The following SAMHD1 variants were observed in gnomAD, a reference collection of about 807,000 sequenced individuals.
SAMHD1 encodes the protein SAM and HD domain containing deoxynucleoside triphosphate triphosphohydrolase 1.
Under a neutral mutation model 79.6 loss-of-function variants are expected in SAMHD1, and 54 were observed. That is an observed-to-expected ratio of 0.68 (90% CI 0.55 to 0.85). SAMHD1 has a LOEUF of 0.85. SAMHD1 is among the 40% of genes least tolerant of loss of function. The pLI, the probability that SAMHD1 is intolerant of heterozygous loss-of-function variation, is 0.00. For missense variants in SAMHD1, 663 were observed against 782.7 expected, an observed-to-expected ratio of 0.85 and a Z score of 1.82; for synonymous variants, 260 against 264.1, an observed-to-expected ratio of 0.98 and a Z score of 0.15.
chr20:36,927,314 C>A, intron 5 of SAMHD1, 62 bp from the exon 6 acceptor site: 12 of 765,692 alleles, frequency 1.6e-5, no homozygotes, highest in Non-Finnish European at 2.0e-5. Context: ...AAACTTTTTC[C>A]TTTTTTTTTT....
chr20:36,893,219 C>T (rs1406821429), intron 15 of SAMHD1, 153 bp from the exon 16 acceptor site: 9 of 918,608 alleles, frequency 9.8e-6, no homozygotes, highest in Non-Finnish European at 1.5e-5. Context: ...TTACATATGC[C>T]CTGTGCTTGG....
rs905658920 is a variant in SAMHD1 at position 36,892,800 on chromosome 20, G to A, written c.*132C>T. ...TATTTCTTTGATTAAAAGTTACTTAGCTTCAGCATGCGTGTACATTCAAAA... is the reference window on the plus strand; with the variant it reads ...TATTTCTTTGATTAAAAGTTACTTAACTTCAGCATGCGTGTACATTCAAAA... On this transcript the variant is annotated 3_prime_UTR_variant, in exon 16 of 16. Coordinates refer to ENST00000646673, the MANE Select transcript of SAMHD1 (RefSeq NM_015474.4). The A allele has an allele frequency of 1.7e-5, 19 of 1,148,044 alleles. No individual in the cohort carries two copies. The highest frequency in any genetic ancestry group is 2.4e-5 in the Non-Finnish European group (18 of 757,662). The allele number at this position is 1,148,044 out of a possible 1,614,324, so 71.1% of individuals were successfully genotyped here.
rs775995241 is a variant in SAMHD1 at position 36,891,636 on chromosome 20, G to A, written c.*1296C>T. 5 of 152,314 alleles carry A rather than the reference G, an allele frequency of 3.3e-5. No homozygotes were observed. The highest frequency in any genetic ancestry group is 4.8e-5 in the African/African-American group (2 of 41,472). The allele number at this position is 152,314 out of a possible 1,614,324, so 9.4% of individuals were successfully genotyped here. A position where few individuals can be genotyped will look rare whatever the true frequency, so the allele number is the denominator to read the frequency against. On this transcript the variant is annotated 3_prime_UTR_variant, in exon 16 of 16. Transcript: ENST00000646673. ...TGCTGGGAAAACGAAGTTACCTAGC[G>A]GAGCCTGGAGCCCACTGGGTGGTCA...
intron 4 of SAMHD1, 120 bp from the exon 5 acceptor site, chr20:36,930,995 T>A: frequency 1.4e-6 from 1 of 726,392 alleles, no homozygotes; most frequent in Non-Finnish European, 2.5e-6. Flanking sequence ...GCAACTTTAC[T>A]GAACAGTATA....
At chr20:36,924,735 CTT>C (rs959971394) in intron 6 of SAMHD1, among the ~76,000 whole-genome samples, 1 of 151,368 alleles carries the variant, frequency 6.6e-6, no homozygotes, top group Non-Finnish European at 1.5e-5. Context: ...TTCTTTTCTT[CTT>C]TTTTTTTCTT....
Position 36,951,550 on chromosome 20 carries a change from A to G in SAMHD1, c.94T>C (p.Trp32Arg), listed in dbSNP as rs1465712650. The stretch of plus-strand genomic sequence containing the variant: ...GGATGGAGTTCCAGGCCCGGGGACC[A>G]GTCTGCCTCTGCGGAAGGGGTGTTT... ...PSNTPSAEAD[W>R]SPGLELHPDY... The change falls in exon 1 of 16, where the codon TGG becomes CGG. Residue 32 changes from tryptophan to arginine, a missense_variant. Trp to Arg is a moderately radical substitution (Grantham distance 101, BLOSUM62 -3). Transcript: ENST00000646673. The G allele has an allele frequency of 3.7e-6, 6 of 1,614,184 alleles. No individual in the cohort carries two copies. Among genetic ancestry groups the G allele is most frequent in the Non-Finnish European group, 4.2e-6 (5 of 1,180,010 alleles).
rs2063447384 is a variant in SAMHD1, at chr20:36,912,570, G to A, written c.1063-18C>T. ...CCAACTTCCTGCAGGAAAACATGAA[G>A]TAAATATTAATAGGATCAGATTATG... On this transcript the variant is annotated intron_variant, in intron 9 of 15. Coordinates refer to ENST00000646673, the MANE Select transcript of SAMHD1 (RefSeq NM_015474.4). 6.6e-7 allele frequency: 1 copy of A among 1,522,130 alleles called. No homozygotes were observed. 94.3% of individuals were successfully genotyped at this position (1,522,130 alleles called of 1,614,324 possible). A position where few individuals can be genotyped will look rare whatever the true frequency, so the allele number is the denominator to read the frequency against.
chr20:36,912,823 C>T (rs6030098), intron 9 of SAMHD1, among the ~76,000 whole-genome samples: 1 of 111,166 alleles, frequency 9.0e-6, no homozygotes, highest in Non-Finnish European at 1.7e-5. Context: ...CTTAAGTGAT[C>T]TTCCTACCTC....
At chr20:36,898,234 G>T (rs957665581) in intron 14 of SAMHD1, among the ~76,000 whole-genome samples, 6 of 151,988 alleles carry the variant, frequency 3.9e-5, no homozygotes, top group Non-Finnish European at 5.9e-5. Context: ...CGCTTTGTTG[G>T]CCAGGCTGAT....
intron 13 of SAMHD1, among the ~76,000 whole-genome samples, chr20:36,903,116 G>A (rs2063384282): frequency 6.6e-6 from 1 of 152,198 alleles, no homozygotes; most frequent in Non-Finnish European, 1.5e-5. Flanking sequence ...TAGAGGGCCT[G>A]ATGAGCTAGG....
chr20:36,941,709 A>C (rs185955387), intron 2 of SAMHD1, among the ~76,000 whole-genome samples: 26 of 152,210 alleles, frequency 1.7e-4, no homozygotes, highest in Admixed American at 1.6e-3. Context: ...CAGAGAGTGC[A>C]GGCAAAGGGT....
chr20:36,915,970 T>C (rs2063471681), intron 9 of SAMHD1, among the ~76,000 whole-genome samples: 1 of 151,998 alleles, frequency 6.6e-6, no homozygotes, highest in South Asian at 2.1e-4. Context: ...CCATCCTGGC[T>C]AACACGGTGA....
chr20:36,951,108 C>T (rs923240901), intron 1 of SAMHD1, among the ~76,000 whole-genome samples: 1 of 152,240 alleles, frequency 6.6e-6, no homozygotes, highest in African/African-American at 2.4e-5. Flanking sequence ...ACGACTGCCC[C>T]TCCCAGGTCC....
In SAMHD1 at chr20:36,898,563, C is replaced by G; in HGVS notation, c.1504-19G>C. On this transcript the variant is annotated intron_variant, in intron 13 of 15. Transcript: ENST00000646673. ...TGATAACCTAAATAAAAGCAATTCA[C>G]AAGTAATCATATAGCAAGCAGGAGA... 2 of 1,574,412 alleles carry G rather than the reference C, an allele frequency of 1.3e-6. No individual in the cohort carries two copies. The highest frequency in any genetic ancestry group is 1.7e-6 in the Non-Finnish European group (2 of 1,144,288).
At chr20:36,946,622 A>T in intron 2 of SAMHD1, 116 bp downstream of exon 2, 1 of 768,868 alleles carries the variant, frequency 1.3e-6, no homozygotes, top group Non-Finnish European at 2.2e-6. Context: ...CTGCTGTTTT[A>T]AAGCACTTCA....
At chr20:36,896,363 C>T (rs558358232) in intron 15 of SAMHD1, among the ~76,000 whole-genome samples, 12 of 152,138 alleles carry the variant, frequency 7.9e-5, no homozygotes, top group Admixed American at 1.3e-4. Flanking sequence ...CTTATTCCCA[C>T]GGGTGTCACT....
At chr20:36,940,907 T>C in intron 3 of SAMHD1, 132 bp downstream of exon 3, 1 of 709,376 alleles carries the variant, frequency 1.4e-6, no homozygotes, top group South Asian at 1.6e-5. Flanking sequence ...GCAGAAAGTT[T>C]AGAAAAGATC....
intron 1 of SAMHD1, among the ~76,000 whole-genome samples, chr20:36,948,828 C>T (rs2063712387): frequency 6.8e-6 from 1 of 146,660 alleles, no homozygotes; most frequent in South Asian, 2.2e-4. Flanking sequence ...GATCACACCA[C>T]TGCATTTCAG....
chr20:36,933,118 T>A (rs1410078169), intron 4 of SAMHD1, among the ~76,000 whole-genome samples: 2 of 152,182 alleles, frequency 1.3e-5, no homozygotes, highest in Non-Finnish European at 2.9e-5. Context: ...TAAATATTTG[T>A]TGATGAATGA....
Sources: gnomAD v4.1 joint callset for allele counts (sites outside exome capture counted in the v4.1 genomes callset) on GRCh38, gnomAD v4.1.1 for gene constraint, MANE v1.5 for transcripts, NCBI Gene and HGNC (gene_info 2026-07-23, HGNC 2026-07-21) for gene names.